The following EXT1 variants were observed in gnomAD, a reference collection of about 807,000 sequenced individuals.
EXT1 encodes the protein exostosin-1.
A neutral mutation model predicts 82.5 loss-of-function variants in EXT1; 20 were observed. The observed-to-expected ratio is 0.24, with a 90% CI of 0.17 to 0.35. The LOEUF (loss-of-function observed/expected upper bound fraction) is 0.35. Among genes scored for constraint, EXT1 ranks in the 10% least tolerant of loss-of-function variants. The probability of loss-of-function intolerance (pLI) is 1.00; values close to 1 mark genes in which losing one functional copy is unlikely to be tolerated. For synonymous variants in EXT1, 348 were observed against 350.8 expected (o/e 0.99, Z 0.09); for missense variants, 757 against 936.5 (o/e 0.81, Z 2.50).
chr8:117,839,091 TA>T (rs1233951627), intron 1 of EXT1, among the ~76,000 whole-genome samples: 1 of 152,174 alleles, frequency 6.6e-6, no homozygotes. Flanking sequence ...GTGGGTTGCT[TA>T]AATGGTTACA....
At chr8:118,097,310 G>T (rs1365630143) in intron 1 of EXT1, among the ~76,000 whole-genome samples, 2 of 152,140 alleles carry the variant, frequency 1.3e-5, no homozygotes, top group African/African-American at 4.8e-5. Context: ...AGCCGGGCAT[G>T]GTGGTACATA....
At chr8:117,955,897 TACCACCATTC>T (rs1202446536) in intron 1 of EXT1, among the ~76,000 whole-genome samples, 2 of 152,142 alleles carry the variant, frequency 1.3e-5, no homozygotes, top group Non-Finnish European at 2.9e-5. Flanking sequence ...ACCAAGAGTG[TACCACCATTC>T]ACCCCAGCCT....
intron 5 of EXT1, among the ~76,000 whole-genome samples, chr8:117,821,302 TAAG>T (rs961578096): frequency 2.6e-4 from 39 of 152,282 alleles, no homozygotes; most frequent in African/African-American, 8.9e-4. Flanking sequence ...TTTTGCCGAG[TAAG>T]AAGAATAAGC....
intron 1 of EXT1, among the ~76,000 whole-genome samples, chr8:117,890,477 A>G (rs1461941220): frequency 1.3e-5 from 2 of 152,214 alleles, no homozygotes; most frequent in African/African-American, 4.8e-5. Flanking sequence ...AACAATGTCA[A>G]GGCTGAGAAA....
chr8:118,037,668 A>G (rs1816448022), intron 1 of EXT1, among the ~76,000 whole-genome samples: 5 of 152,162 alleles, frequency 3.3e-5, no homozygotes, highest in African/African-American at 1.2e-4. Flanking sequence ...CACATTAGGC[A>G]AAATCAAATA....
intron 1 of EXT1, among the ~76,000 whole-genome samples, chr8:118,093,502 T>C (rs1044142962): frequency 3.9e-5 from 6 of 152,136 alleles, no homozygotes; most frequent in African/African-American, 1.4e-4. Context: ...AATTCTGTAA[T>C]GTATAAGAAG....
At chr8:118,043,813 G>A (rs1441816494) in intron 1 of EXT1, among the ~76,000 whole-genome samples, 1 of 152,190 alleles carries the variant, frequency 6.6e-6, no homozygotes, top group Non-Finnish European at 1.5e-5. Flanking sequence ...CTACTGGGAG[G>A]AGGAGAGACC....
chr8:117,946,295 G>A (rs938440716), intron 1 of EXT1, among the ~76,000 whole-genome samples: 7 of 152,210 alleles, frequency 4.6e-5, no homozygotes, highest in Non-Finnish European at 8.8e-5. Flanking sequence ...TTGCTAATGA[G>A]GCATATTTGA....
At chr8:117,851,616 GACACACACACACACAC>G (rs35686154) in intron 1 of EXT1, among the ~76,000 whole-genome samples, 1 of 147,908 alleles carries the variant, frequency 6.8e-6, no homozygotes, top group African/African-American at 2.5e-5. Flanking sequence ...AATTTAGCTG[GACACACACACACACAC>G]ACACACACAC....
intron 10 of EXT1, among the ~76,000 whole-genome samples, chr8:117,803,117 A>T (rs779900056): frequency 4.6e-5 from 7 of 152,060 alleles, no homozygotes; most frequent in Non-Finnish European, 7.4e-5. Flanking sequence ...ATTCAGATTA[A>T]CCTCAATCCT....
At chr8:118,015,938 A>T (rs1815994948) in intron 1 of EXT1, among the ~76,000 whole-genome samples, 1 of 152,212 alleles carries the variant, frequency 6.6e-6, no homozygotes, top group Admixed American at 6.5e-5. Flanking sequence ...CAGGGACTGG[A>T]GTTAGGCTGT....
At chr8:117,909,433 T>G (rs1813604503) in intron 1 of EXT1, among the ~76,000 whole-genome samples, 1 of 152,232 alleles carries the variant, frequency 6.6e-6, no homozygotes, top group South Asian at 2.1e-4. Flanking sequence ...TAAATGTATG[T>G]GATCCTGTTT....
intron 1 of EXT1, among the ~76,000 whole-genome samples, chr8:118,032,913 A>G (rs1816353667): frequency 6.6e-6 from 1 of 152,214 alleles, no homozygotes; most frequent in Admixed American, 6.5e-5. Context: ...TGAAAATTCT[A>G]GGTACATTCT....
At chr8:117,988,943 T>C (rs1303481668) in intron 1 of EXT1, among the ~76,000 whole-genome samples, 1 of 151,150 alleles carries the variant, frequency 6.6e-6, no homozygotes, top group Non-Finnish European at 1.5e-5. Flanking sequence ...AAATAAAAAA[T>C]CTGACAGGTG....
At chr8:117,959,892 C>T (rs1249128607) in intron 1 of EXT1, among the ~76,000 whole-genome samples, 3 of 152,128 alleles carry the variant, frequency 2.0e-5, no homozygotes, top group Admixed American at 6.6e-5. Context: ...TTGTCATGAA[C>T]GTTATATAGA....
Position 117,972,849 on chromosome 8 carries a change from A to G in EXT1, c.963-135648T>C, listed in dbSNP as rs189285054. Reference sequence around the variant, plus strand: ...CAGATCTCATGAGAACTCACTCACTATCATGATAACAGCATGAAGGTAACT... The same window carrying G: ...CAGATCTCATGAGAACTCACTCACTGTCATGATAACAGCATGAAGGTAACT... On this transcript the variant is annotated intron_variant, in intron 1 of 10. Coordinates refer to ENST00000378204, the MANE Select transcript of EXT1 (RefSeq NM_000127.3). Among the ~76,000 whole-genome samples, 1,157 of 152,322 alleles carry G rather than the reference A, an allele frequency of 7.6e-3. 17 individuals are homozygous for G. The highest frequency in any genetic ancestry group is 0.026 in the African/African-American group (1,063 of 41,564).
intron 1 of EXT1, among the ~76,000 whole-genome samples, chr8:117,959,389 T>A (rs938410346): frequency 6.6e-6 from 1 of 152,230 alleles, no homozygotes; most frequent in African/African-American, 2.4e-5. Flanking sequence ...CAACTCTGTT[T>A]CATTCTTCTG....
intron 5 of EXT1, 90 bp from the exon 6 acceptor site, chr8:117,819,884 A>G: frequency 8.3e-7 from 1 of 1,205,326 alleles, no homozygotes; most frequent in East Asian, 2.3e-5. Flanking sequence ...CTCATGCTGG[A>G]GCAAATGTTC....
chr8:117,988,461 C>G (rs941275038), intron 1 of EXT1, among the ~76,000 whole-genome samples: 5 of 152,266 alleles, frequency 3.3e-5, no homozygotes, highest in African/African-American at 1.2e-4. Context: ...TAATAATTAT[C>G]TCAGGTGATT....
Sources: allele counts gnomAD v4.1 joint callset (sites outside exome capture counted in the v4.1 genomes callset), GRCh38; gene constraint gnomAD v4.1.1; transcripts MANE v1.5; gene names NCBI Gene and HGNC (gene_info 2026-07-23, HGNC 2026-07-21).